CIMAP3: variants seen among roughly 807,000 people sequenced by gnomAD.
The protein encoded by CIMAP3 is ciliary microtubule-associated protein 3.
the CIMAP3 span, among the ~76,000 whole-genome samples, chr1:111,340,900 A>G: frequency 1.3e-5 from 2 of 152,192 alleles, no homozygotes; most frequent in Non-Finnish European, 2.9e-5. Flanking sequence ...ATAAAGACAC[A>G]TGAACACGTA....
the CIMAP3 span, among the ~76,000 whole-genome samples, chr1:111,335,163 A>AAAAAC: frequency 6.6e-6 from 1 of 150,752 alleles, no homozygotes; most frequent in Non-Finnish European, 1.5e-5. Context: ...AGACAGAAAA[A>AAAAAC]AAAAGAAACA....
At chr1:111,331,608 C>T in the CIMAP3 span, among the ~76,000 whole-genome samples, 1 of 151,922 alleles carries the variant, frequency 6.6e-6, no homozygotes, top group African/African-American at 2.4e-5. Context: ...TTCCTTATTT[C>T]ATTGAATTTT....
the CIMAP3 span, among the ~76,000 whole-genome samples, chr1:111,336,147 G>T: frequency 6.6e-6 from 1 of 152,314 alleles, no homozygotes; most frequent in Non-Finnish European, 1.5e-5. Flanking sequence ...GGTCCTGTCT[G>T]TTAGAAGGAA....
the CIMAP3 span, among the ~76,000 whole-genome samples, chr1:111,334,710 TA>T: frequency 9.2e-5 from 14 of 152,188 alleles, no homozygotes; most frequent in Non-Finnish European, 1.9e-4. Flanking sequence ...TGATAATTTT[TA>T]AAAATTTTTA....
the CIMAP3 span, among the ~76,000 whole-genome samples, chr1:111,340,164 T>C: frequency 1.3e-5 from 2 of 152,068 alleles, no homozygotes; most frequent in Non-Finnish European, 2.9e-5. Context: ...TGTAAAAAGC[T>C]GAAACTGGAT....
chr1:111,343,760 T>C, the CIMAP3 span, among the ~76,000 whole-genome samples: 5 of 152,242 alleles, frequency 3.3e-5, no homozygotes, highest in Non-Finnish European at 5.9e-5. Flanking sequence ...ACTCAGGATG[T>C]AGATGGGCCC....
At chr1:111,324,674 T>C in the CIMAP3 span, 1 of 975,526 alleles carries the variant, frequency 1.0e-6, no homozygotes, top group Non-Finnish European at 1.2e-6. Context: ...GTTACACCCT[T>C]CATTTTCTTG....
chr1:111,329,084 T>C, the CIMAP3 span, among the ~76,000 whole-genome samples: 20 of 152,242 alleles, frequency 1.3e-4, no homozygotes, highest in Non-Finnish European at 1.5e-5. Context: ...AAAAGGATCT[T>C]ATTTCTCCTT....
chr1:111,349,975 A>T, the CIMAP3 span: 5 of 654,858 alleles, frequency 7.6e-6, no homozygotes, highest in South Asian at 1.0e-4. Flanking sequence ...TCCCATGCTT[A>T]ATTAAAAAGC....
At chr1:111,329,677 C>T in the CIMAP3 span, among the ~76,000 whole-genome samples, 1,303 of 151,412 alleles carry the variant, frequency 8.6e-3, 11 homozygotes, top group Non-Finnish European at 0.012. Flanking sequence ...GCCTCAGCCT[C>T]CTGAGTAGCT....
chr1:111,334,876 C>T, the CIMAP3 span, among the ~76,000 whole-genome samples: 6 of 151,724 alleles, frequency 4.0e-5, no homozygotes, highest in African/African-American at 7.3e-5. Flanking sequence ...CCTGTTAATC[C>T]CAGCACATTG....
the CIMAP3 span, chr1:111,346,588 A>G: frequency 6.2e-7 from 1 of 1,607,562 alleles, no homozygotes; most frequent in South Asian, 1.1e-5. Context: ...GCAGCTGGGA[A>G]TCACGGGACT....
chr1:111,346,399 A>G, the CIMAP3 span: 1 of 476,778 alleles, frequency 2.1e-6, no homozygotes, highest in Non-Finnish European at 3.8e-6. Flanking sequence ...CGCCCCGTCA[A>G]CCCTGCAGCC....
At chr1:111,347,699 C>CT in the CIMAP3 span, 1 of 1,593,038 alleles carries the variant, frequency 6.3e-7, no homozygotes, top group South Asian at 1.1e-5. Flanking sequence ...TACGACTTAT[C>CT]TAAGATCCCA....
At chr1:111,347,575 C>A in the CIMAP3 span, 1 of 723,468 alleles carries the variant, frequency 1.4e-6, no homozygotes, top group Non-Finnish European at 2.4e-6. Flanking sequence ...AAGCTCACTC[C>A]ATTTCGATGG....
the CIMAP3 span, chr1:111,346,678 A>G: frequency 1.9e-6 from 3 of 1,613,526 alleles, no homozygotes; most frequent in Admixed American, 5.0e-5. Context: ...GCAGGTGAGG[A>G]GGGCTGCCGA....
the CIMAP3 span, among the ~76,000 whole-genome samples, chr1:111,334,575 C>T: frequency 6.6e-6 from 1 of 152,184 alleles, no homozygotes; most frequent in Non-Finnish European, 1.5e-5. Flanking sequence ...CCTACTGAGA[C>T]AGGATATGTG....
At chr1:111,337,394 C>T in the CIMAP3 span, among the ~76,000 whole-genome samples, 2 of 152,110 alleles carry the variant, frequency 1.3e-5, no homozygotes, top group African/African-American at 4.8e-5. Flanking sequence ...TTAAAAGACA[C>T]AGACTGGCAA....
the CIMAP3 span, chr1:111,347,601 A>G: frequency 1.0e-6 from 1 of 959,170 alleles, no homozygotes; most frequent in Non-Finnish European, 1.6e-6. Flanking sequence ...ATGTTCTCTG[A>G]CTATGCGTTG....
Sources: allele counts gnomAD v4.1 joint callset (sites outside exome capture counted in the v4.1 genomes callset), GRCh38; gene constraint gnomAD v4.1.1; transcripts MANE v1.5; gene names NCBI Gene and HGNC (gene_info 2026-07-23, HGNC 2026-07-21).